ZNF451: variants seen among roughly 807,000 people sequenced by gnomAD.
ZNF451 encodes E3 SUMO-protein ligase ZNF451.
Under a neutral mutation model 107.1 loss-of-function variants are expected in ZNF451, and 80 were observed. That is an observed-to-expected ratio of 0.75 (90% CI 0.62 to 0.90). ZNF451 has a LOEUF of 0.90. Ranked by LOEUF, ZNF451 falls within the 40% of genes least tolerant of loss-of-function variation. The probability of loss-of-function intolerance (pLI) is 0.00; values close to 1 mark genes in which losing one functional copy is unlikely to be tolerated. For missense variants in ZNF451, 1,107 were observed against 1,236.2 expected, an observed-to-expected ratio of 0.90 and a Z score of 1.57; for synonymous variants, 362 against 406.5, an observed-to-expected ratio of 0.89 and a Z score of 1.32.
chr6:57,168,367 C>T, intron 14 of ZNF451, 56 bp from the exon 15 acceptor site: 1 of 1,201,156 alleles, frequency 8.3e-7, no homozygotes, highest in Admixed American at 2.0e-5. Flanking sequence ...TAAATAAATA[C>T]AGCACATGTT....
intron 3 of ZNF451, among the ~76,000 whole-genome samples, chr6:57,112,033 G>A (rs1263559208): frequency 6.6e-6 from 1 of 151,870 alleles, no homozygotes; most frequent in Admixed American, 6.6e-5. Flanking sequence ...GAGATGGTAA[G>A]ATGGTAAATA....
chr6:57,163,436 C>CTTTATTTTT (rs1763757097), intron 14 of ZNF451, among the ~76,000 whole-genome samples: 1 of 30,332 alleles, frequency 3.3e-5, no homozygotes, highest in Non-Finnish European at 6.1e-5. Flanking sequence ...AATGAATAAA[C>CTTTATTTTT]TTTTTTTTTT....
At position 57,148,269 on chromosome 6, in the gene ZNF451, C is replaced by T; in HGVS notation, c.2184C>T (p.Tyr728=). The change falls in exon 10 of 15, where the codon TAC becomes TAT. Residue 728 remains tyrosine, a synonymous_variant. Coordinates refer to ENST00000370706, the MANE Select transcript of ZNF451 (RefSeq NM_001031623.3). ...NQLTCGCRES[Y]ICKVNRKEDY... The stretch of plus-strand genomic sequence containing the variant: ...TAACTTGTGGTTGCCGTGAGAGTTA[C>T]ATCTGTAAAGTCAACAGAAAAGAAG... The T allele has an allele frequency of 6.2e-7, 1 of 1,613,948 alleles. No individual in the cohort carries two copies. Among genetic ancestry groups the T allele is most frequent in the Non-Finnish European group, 8.5e-7 (1 of 1,179,930 alleles).
Position 57,106,753 on chromosome 6 carries a change from T to G in ZNF451, c.186+7612T>G, listed in dbSNP as rs939774010. ...ATTGATTGTCTCATCTGTATGCATC[T>G]TATGCATGTGATTCAATAGACTAGA... On this transcript the variant is annotated intron_variant, in intron 3 of 14. Coordinates refer to ENST00000370706, the MANE Select transcript of ZNF451 (RefSeq NM_001031623.3). 3.0e-6 allele frequency: 3 copies of G among 985,018 alleles called. No individual in the cohort carries two copies. The African/African-American group carries it at 5.2e-5, about 17-fold the overall frequency. The allele number at this position is 985,018 out of a possible 1,614,324, so 61.0% of individuals were successfully genotyped here. A position where few individuals can be genotyped will look rare whatever the true frequency, so the allele number is the denominator to read the frequency against.
chr6:57,141,409 G>A lies in ZNF451; in HGVS notation c.810G>A (p.Lys270=). The part of the protein sequence containing the change: ...LLFSRKEECS[K]HMSGKNHFHQ... Reference sequence around the variant, plus strand: ...TTAGCAGAAAGGAGGAGTGTTCAAAGCATATGTCTGGAAAGAATCATTTCC... The same window carrying A: ...TTAGCAGAAAGGAGGAGTGTTCAAAACATATGTCTGGAAAGAATCATTTCC... The change falls in exon 8 of 15, where the codon AAG becomes AAA. Residue 270 remains lysine, a synonymous_variant. Transcript: ENST00000370706. 6.2e-7 allele frequency: 1 copy of A among 1,613,218 alleles called. No individual in the cohort carries two copies. The highest frequency in any genetic ancestry group is 8.5e-7 in the Non-Finnish European group (1 of 1,179,540).
Position 57,161,854 on chromosome 6 carries a change from C to CTTT in ZNF451, c.3139+702_3139+703insTTT, listed in dbSNP as rs1763688309. ...GTATTACAGGCGTGTGCCACTAACA[C>CTTT]GCCCAGCTAAAAATTAAAATTCTCT... On this transcript the variant is annotated intron_variant, in intron 14 of 14. Transcript: ENST00000370706. 3.3e-5 allele frequency among the ~76,000 whole-genome samples: 5 copies of CTTT among 152,216 alleles called. No homozygotes were observed. In the South Asian group the frequency reaches 1.0e-3, roughly 32 times the overall value.
chr6:57,155,435 G>A (rs11755664), intron 13 of ZNF451, among the ~76,000 whole-genome samples: 9,436 of 152,268 alleles, frequency 0.062, 443 homozygotes, highest in Non-Finnish European at 0.099. Context: ...GCAGTGAGCT[G>A]AGATTGCACC....
At chr6:57,103,304 GTGATGATATCCAT>G in intron 3 of ZNF451, 1 of 985,070 alleles carries the variant, frequency 1.0e-6, no homozygotes, top group Non-Finnish European at 1.2e-6. Flanking sequence ...GGATATCTAA[GTGATGATATCCAT>G]TAATGATTTG....
At chr6:57,126,745 AC>A in intron 4 of ZNF451, 1 of 152,160 alleles carries the variant, frequency 6.6e-6, no homozygotes. Flanking sequence ...ACATGGTGAA[AC>A]CCCGTCTGTA....
chr6:57,091,241 G>A (rs1338765374), intron 2 of ZNF451, among the ~76,000 whole-genome samples: 1 of 30,612 alleles, frequency 3.3e-5, no homozygotes, highest in Non-Finnish European at 7.1e-5. Flanking sequence ...GAGCAAGGAC[G>A]TAGAAAACAG....
At chr6:57,133,924 C>T (rs1050365910) in intron 6 of ZNF451, among the ~76,000 whole-genome samples, 1 of 152,188 alleles carries the variant, frequency 6.6e-6, no homozygotes, top group East Asian at 1.9e-4. Flanking sequence ...ATTCTGCCCA[C>T]CTCAGCCTAC....
In ZNF451 at chr6:57,136,523, T is replaced by C. The variant is rs373143404; in HGVS notation, c.702+1653T>C. Among the ~76,000 whole-genome samples the C allele has an allele frequency of 4.6e-4, 70 of 152,180 alleles. 1 individual carries two copies. The East Asian group carries it at 6.6e-3, about 14-fold the overall frequency. On this transcript the variant is annotated intron_variant, in intron 7 of 14. Coordinates refer to ENST00000370706, the MANE Select transcript of ZNF451 (RefSeq NM_001031623.3). ...CCTTAAAGTGAAACCAAAAGACATA[T>C]TGAAGAAAGAAATGATAGGGTTATC...
intron 3 of ZNF451, among the ~76,000 whole-genome samples, chr6:57,121,660 G>A (rs564345063): frequency 6.6e-6 from 1 of 152,172 alleles, no homozygotes; most frequent in African/African-American, 2.4e-5. Context: ...GAATACCTAG[G>A]AATACACCTA....
At chr6:57,121,919 G>A (rs1205047842) in intron 3 of ZNF451, among the ~76,000 whole-genome samples, 1 of 152,062 alleles carries the variant, frequency 6.6e-6, no homozygotes, top group East Asian at 1.9e-4. Context: ...GAATAGTCAA[G>A]GCATTCTTAA....
intron 3 of ZNF451, chr6:57,103,588 G>T: frequency 1.0e-6 from 1 of 985,374 alleles, no homozygotes; most frequent in Non-Finnish European, 1.2e-6. Flanking sequence ...TGGAGAATAT[G>T]TCAAATTTGA....
Position 57,146,433 on chromosome 6 carries a change from A to AT in ZNF451, c.1005-651dup, listed in dbSNP as rs1195775433. ...CTTAGCCTTTAATCCATCTTGAGTT[A>AT]TTTTTTGTATATGATGAAAGATATG... On this transcript the variant is annotated intron_variant, in intron 9 of 14. Transcript: ENST00000370706. 3.9e-5 allele frequency among the ~76,000 whole-genome samples: 6 copies of AT among 152,116 alleles called. No individual in the cohort carries two copies. In the South Asian group the frequency reaches 1.2e-3, roughly 32 times the overall value.
chr6:57,147,167 G>T lies in ZNF451; in HGVS notation c.1082G>T (p.Arg361Ile). 1 of 1,614,046 alleles carries T rather than the reference G, an allele frequency of 6.2e-7. No homozygotes were observed. The highest frequency in any genetic ancestry group is 8.5e-7 in the Non-Finnish European group (1 of 1,179,946). ...CAGGTTGCAGAGAAATTCATATTAA[G>T]AGGTTATTGTCCAGATTGCAATCAA... ...ITQVAEKFIL[R>I]GYCPDCNQVF... Residue 361 changes from arginine (R) to isoleucine (I), a missense_variant, in exon 10 of 15, where the codon AGA becomes ATA. Arg to Ile is a moderately conservative substitution (Grantham distance 97). Around this residue, in one of 5 missense-constraint regions of ZNF451, gnomAD observed 608 missense variants for 649.2 expected, o/e 0.94. Transcript: ENST00000370706.
intron 7 of ZNF451, among the ~76,000 whole-genome samples, chr6:57,135,661 T>G (rs1831393741): frequency 6.6e-6 from 1 of 152,178 alleles, no homozygotes; most frequent in South Asian, 2.1e-4. Context: ...AATGCATACA[T>G]TTCTACATTT....
intron 5 of ZNF451, among the ~76,000 whole-genome samples, chr6:57,131,760 G>A (rs1045713924): frequency 2.6e-5 from 4 of 152,134 alleles, no homozygotes; most frequent in Non-Finnish European, 5.9e-5. Context: ...ATTCAATAAA[G>A]ATAAATATTT....
Sources: allele counts gnomAD v4.1 joint callset (sites outside exome capture counted in the v4.1 genomes callset), GRCh38; gene constraint gnomAD v4.1.1; regional missense constraint gnomAD v4.1.1; transcripts MANE v1.5; gene names NCBI Gene and HGNC (gene_info 2026-07-23, HGNC 2026-07-21).